Variants in BRPF1 observed in about 807,000 individuals in gnomAD.
BRPF1 encodes peregrin.
Under a neutral mutation model 115.0 loss-of-function variants are expected in BRPF1, and 15 were observed. That is an observed-to-expected ratio of 0.13 (90% CI 0.09 to 0.20). The LOEUF is 0.20. Among genes scored for constraint, BRPF1 ranks in the 10% least tolerant of loss-of-function variants. BRPF1 has a pLI of 1.00. For missense variants in BRPF1, 1,118 were observed against 1,638.3 expected, an observed-to-expected ratio of 0.68 and a Z score of 5.48; for synonymous variants, 647 against 619.8, an observed-to-expected ratio of 1.04 and a Z score of -0.65.
At position 9,743,991 on chromosome 3, in the gene BRPF1, G is replaced by GT; in HGVS notation, c.2635+91dup. 7.0e-7 allele frequency: 1 copy of GT among 1,437,922 alleles called. No homozygotes were observed. Among genetic ancestry groups the GT allele is most frequent in the Non-Finnish European group, 9.3e-7 (1 of 1,075,448 alleles). The allele number at this position is 1,437,922 out of a possible 1,614,324, so 89.1% of individuals were successfully genotyped here. A position where few individuals can be genotyped will look rare whatever the true frequency, so the allele number is the denominator to read the frequency against. On this transcript the variant is annotated intron_variant, in intron 8 of 13. Transcript: ENST00000383829. This position sits in a 1 kb window ranked among gnomAD's most constrained non-coding sequence, Gnocchi z 6.1. ...AACCCCTGCCATTCCCCAGGCAGAG[G>GT]TCCCTCCTACACAGCTAGCTGTACT...
At chr3:9,742,480 A>G (rs2077047805) in intron 6 of BRPF1, 2 of 985,458 alleles carry the variant, frequency 2.0e-6, no homozygotes, top group Non-Finnish European at 2.4e-6. Context: ...TAGAAGGCTC[A>G]GCACCTAAAG....
intron 1 of BRPF1, among the ~76,000 whole-genome samples, 181 bp downstream of exon 1, chr3:9,732,319 C>T (rs968913040): frequency 2.6e-5 from 4 of 152,326 alleles, no homozygotes; most frequent in African/African-American, 9.6e-5. Flanking sequence ...TCGGGGCTGC[C>T]CGGGCTAGTG....
chr3:9,734,251 T>C lies in BRPF1; in HGVS notation c.111T>C (p.Gly37=). Residue 37 remains glycine, a synonymous_variant, in exon 2 of 14, where the codon GGT becomes GGC. Transcript: ENST00000383829. This position sits in a 1 kb window ranked among gnomAD's most constrained non-coding sequence, Gnocchi z 5.7. ...GAAAGGTCTACAAGAGTTACAGTGG[T>C]ATTGAGTACCACCTGTACCACTATG... ...TCRKVYKSYS[G]IEYHLYHYDH... 3 of 1,614,044 alleles carry C rather than the reference T, an allele frequency of 1.9e-6. No individual in the cohort carries two copies. The highest frequency in any genetic ancestry group is 1.7e-6 in the Non-Finnish European group (2 of 1,180,008).
chr3:9,745,327 C>G lies in BRPF1; in HGVS notation c.3068+172C>G, dbSNP rs896730691. ...TAAATCAGTGTTACCATTAATAGAA[C>G]AGAGAGAACCATCCTGGATTAAGGT... On this transcript the variant is annotated intron_variant, in intron 10 of 13. Transcript: ENST00000383829. This position sits in a 1 kb window ranked among gnomAD's most constrained non-coding sequence, Gnocchi z 5.1. Among the ~76,000 whole-genome samples, 1 of 152,224 alleles carries G rather than the reference C, an allele frequency of 6.6e-6. No homozygotes were observed. The highest frequency in any genetic ancestry group is 2.4e-5 in the African/African-American group (1 of 41,444).
Position 9,740,808 on chromosome 3 carries a change from T to A in BRPF1, c.1589T>A (p.Ile530Asn). Reference sequence around the variant, plus strand: ...AGTAAAATCACCAACCGCCTGACCATCCAAAGGAAGAGCCAGTTCATGCAG... The same window carrying A: ...AGTAAAATCACCAACCGCCTGACCAACCAAAGGAAGAGCCAGTTCATGCAG... ...RLSKITNRLT[I>N]QRKSQFMQRL... Residue 530 changes from isoleucine (I) to asparagine (N), a missense_variant, in exon 4 of 14, where the codon ATC becomes AAC. By Grantham distance (149) the Ile-to-Asn change is moderately radical (BLOSUM62 -3). Transcript: ENST00000383829. 6.2e-7 allele frequency: 1 copy of A among 1,614,124 alleles called. No individual in the cohort carries two copies. The highest frequency in any genetic ancestry group is 1.1e-5 in the South Asian group (1 of 91,084).
Position 9,734,206 on chromosome 3 carries a change from G to A in BRPF1, c.66G>A (p.Glu22=). ...TGCGGGCGACTAAGCCACCATACGA[G>A]TGCCCGGTGGAGACCTGCCGAAAGG... is the stretch of plus-strand genomic sequence containing the variant. ...HNLRATKPPY[E]CPVETCRKVY... The change falls in exon 2 of 14, where the codon GAG becomes GAA. Residue 22 remains glutamate, a synonymous_variant. Coordinates refer to ENST00000383829, the MANE Select transcript of BRPF1 (RefSeq NM_001003694.2). The surrounding 1 kb of genome is among the most constrained non-coding windows in gnomAD (Gnocchi z 5.7). The A allele has an allele frequency of 6.2e-7, 1 of 1,614,014 alleles. No homozygotes were observed. The highest frequency in any genetic ancestry group is 8.5e-7 in the Non-Finnish European group (1 of 1,179,944).
rs2077115890 is a variant in BRPF1 at position 9,745,826 on chromosome 3, C to G, written c.3220C>G (p.Leu1074Val). 6.2e-7 allele frequency: 1 copy of G among 1,613,966 alleles called. No individual in the cohort carries two copies. Among genetic ancestry groups the G allele is most frequent in the Non-Finnish European group, 8.5e-7 (1 of 1,179,928 alleles). Residue 1074 changes from leucine (L) to valine (V), a missense_variant, in exon 12 of 14, where the codon CTG becomes GTG. Coordinates refer to ENST00000383829, the MANE Select transcript of BRPF1 (RefSeq NM_001003694.2). This position sits in a 1 kb window ranked among gnomAD's most constrained non-coding sequence, Gnocchi z 5.1. ...TTCCTGTGAAGTGGTAAGGAAGAGT[C>G]TGGGCCGGGGAGCTGGCTGGCTGTC... ...GVGHSMVRKS[L>V]GRGAGWLSED...
chr3:9,746,870 A>G (rs1446658661), intron 13 of BRPF1, among the ~76,000 whole-genome samples: 4 of 152,212 alleles, frequency 2.6e-5, no homozygotes, highest in African/African-American at 9.7e-5. Context: ...AGGATATTCA[A>G]TGTCAGTAAA....
Position 9,747,382 on chromosome 3 carries a change from T to G in BRPF1, c.*33T>G, listed in dbSNP as rs766601859. 2.5e-6 allele frequency: 4 copies of G among 1,601,232 alleles called. No individual in the cohort carries two copies. In the Admixed American group the frequency reaches 5.0e-5, roughly 20 times the overall value. ...CAACACAGCCCAACCTATAGTGCCC[T>G]GTGACTTCTCTCCTCCCCTTTGCTC... On this transcript the variant is annotated 3_prime_UTR_variant, in exon 14 of 14. Transcript: ENST00000383829. The surrounding 1 kb of genome is among the most constrained non-coding windows in gnomAD (Gnocchi z 5.6).
At chr3:9,742,366 G>A in intron 6 of BRPF1, 195 bp downstream of exon 6, 1 of 985,384 alleles carries the variant, frequency 1.0e-6, no homozygotes, top group Non-Finnish European at 1.2e-6. Flanking sequence ...CAGAATGGGA[G>A]GCAGTCTGCA....
At position 9,734,677 on chromosome 3, in the gene BRPF1, G is replaced by A. The variant is rs755639079; in HGVS notation, c.537G>A (p.Val179=). Residue 179 remains valine, a synonymous_variant, in exon 2 of 14, where the codon GTG becomes GTA. Transcript: ENST00000383829. This position sits in a 1 kb window ranked among gnomAD's most constrained non-coding sequence, Gnocchi z 5.7. ...GCACCACTCCCAAGCTGCCAGAGGTGGTCTATCGGGAGCTGGAACAGGACA... is the reference window on the plus strand; with the variant it reads ...GCACCACTCCCAAGCTGCCAGAGGTAGTCTATCGGGAGCTGGAACAGGACA... The part of the protein sequence containing the change: ...SASTTPKLPE[V]VYRELEQDTP... 6.2e-7 allele frequency: 1 copy of A among 1,614,102 alleles called. No individual in the cohort carries two copies. The highest frequency in any genetic ancestry group is 1.1e-5 in the South Asian group (1 of 91,078).
At position 9,743,269 on chromosome 3, in the gene BRPF1, C is replaced by T; in HGVS notation, c.2311+16C>T. ...ACTGAAGATGGTGGGTGATATATCA[C>T]ACACACATATAAGAGGCCAATGCCG... On this transcript the variant is annotated intron_variant, in intron 7 of 13. Coordinates refer to ENST00000383829, the MANE Select transcript of BRPF1 (RefSeq NM_001003694.2). This position sits in a 1 kb window ranked among gnomAD's most constrained non-coding sequence, Gnocchi z 6.1. The T allele has an allele frequency of 6.2e-6, 10 of 1,607,270 alleles. No homozygotes were observed. The highest frequency in any genetic ancestry group is 4.4e-5 in the South Asian group (4 of 90,528).
intron 4 of BRPF1, among the ~76,000 whole-genome samples, 177 bp downstream of exon 4, chr3:9,741,118 T>C (rs907245522): frequency 2.6e-5 from 4 of 152,242 alleles, no homozygotes; most frequent in Non-Finnish European, 5.9e-5. Flanking sequence ...TATGTGTTTA[T>C]GTATTCATTC....
At chr3:9,740,212 T>G (rs891595070) in intron 3 of BRPF1, among the ~76,000 whole-genome samples, 1 of 152,188 alleles carries the variant, frequency 6.6e-6, no homozygotes, top group Non-Finnish European at 1.5e-5. Flanking sequence ...TTTGATGGTG[T>G]GGTTTGTTAA....
chr3:9,740,977 AGC>A (rs2077018831), intron 4 of BRPF1, 36 bp downstream of exon 4: 1 of 1,587,932 alleles, frequency 6.3e-7, no homozygotes, highest in South Asian at 1.1e-5. Flanking sequence ...TCTGGGAACT[AGC>A]GCCAGGGGGA....
At position 9,742,062 on chromosome 3, in the gene BRPF1, C is replaced by T. The variant is rs1268816494; in HGVS notation, c.1892C>T (p.Thr631Ile). ...CAGATTGCCATGGAGATGCAGCTGA[C>T]TCCTTTCCTCATCCTCCTTCGCAAA... ...VQQIAMEMQL[T>I]PFLILLRKTL... The change falls in exon 6 of 14, where the codon ACT (threonine) becomes ATT (isoleucine). Residue 631 changes from threonine (T) to isoleucine (I), a missense_variant. Around this residue, in one of 10 missense-constraint regions of BRPF1, gnomAD observed 178 missense variants for 303.7 expected, o/e 0.59. Transcript: ENST00000383829. 5.6e-6 allele frequency: 9 copies of T among 1,614,226 alleles called. No individual in the cohort carries two copies. The East Asian group carries it at 1.1e-4, about 20-fold the overall frequency.
chr3:9,746,186 A>G (rs1575168838), intron 12 of BRPF1, 114 bp from the exon 13 acceptor site: 1 of 1,319,328 alleles, frequency 7.6e-7, no homozygotes, highest in Non-Finnish European at 1.0e-6. Flanking sequence ...TTGCAGTTCT[A>G]GTAGCATGAT....
chr3:9,740,666 AAG>A (rs2077013526), intron 3 of BRPF1, 111 bp from the exon 4 acceptor site: 4 of 1,354,240 alleles, frequency 3.0e-6, no homozygotes, highest in Non-Finnish European at 4.1e-6. Flanking sequence ...CCTTTTGGAC[AAG>A]AGATCCTCTC....
intron 2 of BRPF1, among the ~76,000 whole-genome samples, chr3:9,736,551 A>G (rs943644475): frequency 1.6e-4 from 24 of 151,994 alleles, no homozygotes; most frequent in East Asian, 1.2e-3. Context: ...CTCCCTCCCA[A>G]TGGCCCTTGA....
Sources: allele counts gnomAD v4.1 joint callset (sites outside exome capture counted in the v4.1 genomes callset), GRCh38; gene constraint gnomAD v4.1.1; regional missense constraint gnomAD v4.1.1; non-coding constraint Gnocchi (gnomAD v3.1); transcripts MANE v1.5; gene names NCBI Gene and HGNC (gene_info 2026-07-23, HGNC 2026-07-21).